The following IMPA1 variants were observed in gnomAD, a reference collection of about 807,000 sequenced individuals.
IMPA1 encodes the protein inositol monophosphatase 1.
In IMPA1, 21 loss-of-function variants were observed where a neutral mutation model predicts 34.9. That is an observed-to-expected ratio of 0.60 (90% CI 0.43 to 0.87). IMPA1 has a LOEUF of 0.87. IMPA1 is among the 40% of genes least tolerant of loss of function. IMPA1 has a pLI of 0.00. For synonymous variants in IMPA1, 95 were observed against 104.4 expected, an observed-to-expected ratio of 0.91 and a Z score of 0.55; for missense variants, 299 against 336.4, an observed-to-expected ratio of 0.89 and a Z score of 0.87.
chr8:81,678,957 G>A (rs1037081011), intron 4 of IMPA1, among the ~76,000 whole-genome samples, 169 bp downstream of exon 4: 2 of 152,120 alleles, frequency 1.3e-5, no homozygotes, highest in African/African-American at 4.8e-5. Flanking sequence ...TGATAAGTCT[G>A]CATAATACAT....
chr8:81,665,507 A>C (rs1806797061), intron 7 of IMPA1, among the ~76,000 whole-genome samples: 1 of 152,190 alleles, frequency 6.6e-6, no homozygotes, highest in Non-Finnish European at 1.5e-5. Flanking sequence ...TGAAGACACA[A>C]AGGAGATGGA....
intron 7 of IMPA1, among the ~76,000 whole-genome samples, chr8:81,666,153 G>A: frequency 6.6e-6 from 1 of 152,202 alleles, no homozygotes; most frequent in East Asian, 1.9e-4. Flanking sequence ...AGGGGAATGG[G>A]AGACTTACAT....
intron 6 of IMPA1, among the ~76,000 whole-genome samples, chr8:81,672,567 C>T (rs1281019549): frequency 1.3e-5 from 2 of 152,214 alleles, no homozygotes. Flanking sequence ...TCATCATCCC[C>T]TCTCCCAGTG....
intron 6 of IMPA1, among the ~76,000 whole-genome samples, chr8:81,672,577 G>A (rs968485305): frequency 1.3e-5 from 2 of 152,148 alleles, no homozygotes; most frequent in Middle Eastern, 3.2e-3. Context: ...CTCTCCCAGT[G>A]TGTCCCTTTT....
chr8:81,660,221 C>T (rs994913381), intron 8 of IMPA1, among the ~76,000 whole-genome samples: 15 of 152,074 alleles, frequency 9.9e-5, no homozygotes, highest in Non-Finnish European at 1.6e-4. Context: ...CACATGTGGC[C>T]CATGGACTGC....
chr8:81,671,328 AAGG>A, intron 6 of IMPA1, among the ~76,000 whole-genome samples: 1 of 152,292 alleles, frequency 6.6e-6, no homozygotes, highest in East Asian at 1.9e-4. Flanking sequence ...AATATTTAAA[AAGG>A]AGAGACTAAA....
In IMPA1 at chr8:81,659,079, A is replaced by G; in HGVS notation, c.*272T>C. On this transcript the variant is annotated 3_prime_UTR_variant, in exon 9 of 9. Coordinates refer to ENST00000256108, the MANE Select transcript of IMPA1 (RefSeq NM_005536.4). ...TTTAGAAACACAAAATTGCTAATTGACTATTTCAGTTGATGTTATATTTAT... is the reference window on the plus strand; with the variant it reads ...TTTAGAAACACAAAATTGCTAATTGGCTATTTCAGTTGATGTTATATTTAT... The G allele has an allele frequency of 2.5e-6, 1 of 400,652 alleles. No individual in the cohort carries two copies. Among genetic ancestry groups the G allele is most frequent in the South Asian group, 3.0e-5 (1 of 33,734 alleles). The allele number at this position is 400,652 out of a possible 1,614,324, so 24.8% of individuals were successfully genotyped here. A position where few individuals can be genotyped will look rare whatever the true frequency, so the allele number is the denominator to read the frequency against.
intron 7 of IMPA1, among the ~76,000 whole-genome samples, chr8:81,664,554 A>T (rs1431458152): frequency 6.6e-6 from 1 of 152,200 alleles, no homozygotes; most frequent in Non-Finnish European, 1.5e-5. Context: ...CACTGAGCAC[A>T]GATCAGCACT....
intron 4 of IMPA1, among the ~76,000 whole-genome samples, chr8:81,677,651 A>T (rs1807169240): frequency 6.6e-6 from 1 of 152,270 alleles, no homozygotes; most frequent in Non-Finnish European, 1.5e-5. Context: ...TGTTGAAAAT[A>T]AAAACTTTTA....
At chr8:81,682,417 T>C (rs1045332239) in intron 1 of IMPA1, among the ~76,000 whole-genome samples, 1 of 152,182 alleles carries the variant, frequency 6.6e-6, no homozygotes, top group Non-Finnish European at 1.5e-5. Flanking sequence ...GACACAGAGT[T>C]ACATCTTGAA....
chr8:81,657,015 CCT>C lies in IMPA1; in HGVS notation c.*2334_*2335del, dbSNP rs1370308720. On this transcript the variant is annotated 3_prime_UTR_variant, in exon 9 of 9. Transcript: ENST00000256108. ...ATCCACATGCAGAAAGATAATATAC[CCT>C]GATACAAAATATACATGTTAAGTCT... is the stretch of plus-strand genomic sequence containing the variant. Among the ~76,000 whole-genome samples, 7 of 151,748 alleles carry C rather than the reference CCT, an allele frequency of 4.6e-5. No individual in the cohort carries two copies. The highest frequency in any genetic ancestry group is 1.9e-4 in the East Asian group (1 of 5,166).
At chr8:81,679,070 T>C in intron 4 of IMPA1, 56 bp downstream of exon 4, 1 of 1,097,760 alleles carries the variant, frequency 9.1e-7, no homozygotes, top group Non-Finnish European at 1.4e-6. Flanking sequence ...AGAGTATCTA[T>C]AGGTCAATCC....
intron 4 of IMPA1, among the ~76,000 whole-genome samples, chr8:81,676,758 G>A (rs779656914): frequency 1.1e-4 from 17 of 151,990 alleles, no homozygotes; most frequent in Admixed American, 7.9e-4. Context: ...GCCAAAGCAG[G>A]AAGATCACTT....
At chr8:81,673,705 T>C (rs1428608146) in intron 6 of IMPA1, 136 bp downstream of exon 6, 1 of 594,936 alleles carries the variant, frequency 1.7e-6, no homozygotes. Context: ...AAAGCTGAAG[T>C]CAAAAAGAAT....
At position 81,659,356 on chromosome 8, in the gene IMPA1, C is replaced by G. The variant is rs1399459437; in HGVS notation, c.829G>C (p.Asp277His). ...TGACTATGAGGCTGCCTTAATTAAT[C>G]TTCGTCGTCTCGTTGCAAAGGTATA... Reference protein sequence around the residue: ...QVIPLQRDDED With the variant: ...QVIPLQRDDEH Residue 277 changes from aspartate to histidine, a missense_variant, in exon 9 of 9, where the codon GAT becomes CAT. Physicochemically the swap from Asp to His is moderately conservative, Grantham distance 81. Transcript: ENST00000256108. 6.3e-7 allele frequency: 1 copy of G among 1,583,094 alleles called. No homozygotes were observed. Among genetic ancestry groups the G allele is most frequent in the Non-Finnish European group, 8.7e-7 (1 of 1,152,100 alleles).
Position 81,674,776 on chromosome 8 carries a change from A to G in IMPA1, c.349-827T>C, listed in dbSNP as rs1458484949. ...CAGGTTGGTTTTTTACAGTCCACAA[A>G]TTCATTTTGGCTCCCATCAACCTCA... On this transcript the variant is annotated intron_variant, in intron 5 of 8. Transcript: ENST00000256108. The G allele has an allele frequency of 1.1e-5, 5 of 455,012 alleles. 1 individual carries two copies. The highest frequency in any genetic ancestry group is 7.8e-5 in the South Asian group (5 of 64,240). The allele number at this position is 455,012 out of a possible 1,614,324, so 28.2% of individuals were successfully genotyped here.
At chr8:81,682,154 C>CA (rs548072381) in intron 1 of IMPA1, among the ~76,000 whole-genome samples, 16 of 150,048 alleles carry the variant, frequency 1.1e-4, no homozygotes, top group African/African-American at 2.0e-4. Flanking sequence ...ATTCCAGGAC[C>CA]AAAAAAAATA....
chr8:81,680,862 A>T (rs989033385), intron 2 of IMPA1, 79 bp from the exon 3 acceptor site: 8 of 1,033,360 alleles, frequency 7.7e-6, no homozygotes, highest in Non-Finnish European at 1.2e-5. Context: ...GGTTTAAGAC[A>T]TTCAATCTGT....
At chr8:81,683,421 G>T (rs776440971) in intron 1 of IMPA1, among the ~76,000 whole-genome samples, 2 of 152,270 alleles carry the variant, frequency 1.3e-5, no homozygotes, top group Non-Finnish European at 2.9e-5. Flanking sequence ...TGGTAGAGAA[G>T]TTAAGAGAGT....
Sources: gnomAD v4.1 joint callset for allele counts (sites outside exome capture counted in the v4.1 genomes callset) on GRCh38, gnomAD v4.1.1 for gene constraint, MANE v1.5 for transcripts, NCBI Gene and HGNC (gene_info 2026-07-23, HGNC 2026-07-21) for gene names.